NOX4: variants seen among roughly 807,000 people sequenced by gnomAD.
The protein encoded by NOX4 is kidney oxidase-1.
NOX4 carries 69 observed loss-of-function variants against 87.6 expected under a neutral mutation model. That is an observed-to-expected ratio of 0.79 (90% CI 0.65 to 0.96). The LOEUF is 0.96. Among genes scored for constraint, NOX4 ranks in the 40% least tolerant of loss-of-function variants. The probability of loss-of-function intolerance (pLI) is 0.00; values close to 1 mark genes in which losing one functional copy is unlikely to be tolerated. For missense variants in NOX4, 680 were observed against 681.5 expected (o/e 1.00, Z 0.02); for synonymous variants, 275 against 238.2 (o/e 1.15, Z -1.42).
chr11:89,377,700 G>A (rs558862733), intron 11 of NOX4, among the ~76,000 whole-genome samples: 38 of 152,132 alleles, frequency 2.5e-4, no homozygotes, highest in Admixed American at 7.9e-4. Flanking sequence ...TTGTAAAGAA[G>A]CGCCTTTTAA....
At chr11:89,474,014 CA>C (rs1946059334) in intron 2 of NOX4, among the ~76,000 whole-genome samples, 1 of 152,138 alleles carries the variant, frequency 6.6e-6, no homozygotes, top group African/African-American at 2.4e-5. Flanking sequence ...ATTCTTCTGA[CA>C]AACTCTTCAC....
At chr11:89,457,304 C>G (rs751855534) in intron 2 of NOX4, among the ~76,000 whole-genome samples, 1 of 152,202 alleles carries the variant, frequency 6.6e-6, no homozygotes, top group Non-Finnish European at 1.5e-5. Context: ...ACCAACAGCA[C>G]AAATGTGTAC....
chr11:89,357,290 T>C (rs1938140635), intron 12 of NOX4, among the ~76,000 whole-genome samples: 2 of 152,124 alleles, frequency 1.3e-5, no homozygotes, highest in South Asian at 2.1e-4. Context: ...CAAACACAGA[T>C]GTGCTTACAC....
At chr11:89,417,359 A>C (rs1419957952) in intron 8 of NOX4, among the ~76,000 whole-genome samples, 1 of 152,104 alleles carries the variant, frequency 6.6e-6, no homozygotes, top group East Asian at 1.9e-4. Flanking sequence ...GGAAAGAGGA[A>C]ATGGTTTTGT....
chr11:89,407,405 G>T (rs372718675), intron 8 of NOX4, among the ~76,000 whole-genome samples: 2,271 of 152,154 alleles, frequency 0.015, 57 homozygotes, highest in African/African-American at 0.051. Flanking sequence ...TATTATTAAT[G>T]TTTTAAGTTT....
the NOX4 span, among the ~76,000 whole-genome samples, chr11:89,511,487 T>C: frequency 6.6e-6 from 1 of 151,954 alleles, no homozygotes; most frequent in Admixed American, 6.6e-5. Context: ...TATTAATGCA[T>C]AGTACTGGGG....
At chr11:89,403,855 G>A (rs1246903133) in intron 8 of NOX4, among the ~76,000 whole-genome samples, 1 of 152,124 alleles carries the variant, frequency 6.6e-6, no homozygotes, top group African/African-American at 2.4e-5. Flanking sequence ...CAATGACCAG[G>A]CCAGTCTCTG....
chr11:89,490,357 A>G, intron 2 of NOX4, 101 bp downstream of exon 2: 1 of 774,542 alleles, frequency 1.3e-6, no homozygotes, highest in Non-Finnish European at 2.2e-6. Context: ...TTCAAAGTGA[A>G]GAGTGCACAT....
chr11:89,459,885 G>A (rs1354032318), intron 2 of NOX4, among the ~76,000 whole-genome samples: 1 of 152,260 alleles, frequency 6.6e-6, no homozygotes, highest in African/African-American at 2.4e-5. Context: ...AAAGCTGGAG[G>A]CATCACACTA....
chr11:89,448,540 A>C (rs1054557885), intron 4 of NOX4, among the ~76,000 whole-genome samples: 68 of 152,286 alleles, frequency 4.5e-4, no homozygotes, highest in African/African-American at 1.6e-3. Context: ...GATCACATAT[A>C]ATTCGGGATG....
intron 12 of NOX4, among the ~76,000 whole-genome samples, chr11:89,368,925 AC>A (rs1406736772): frequency 3.0e-4 from 46 of 152,080 alleles, no homozygotes; most frequent in African/African-American, 1.0e-3. Context: ...TGCCTCTTAA[AC>A]TTTTTAAAGA....
chr11:89,359,210 G>C (rs1938321579), intron 12 of NOX4, among the ~76,000 whole-genome samples: 1 of 152,006 alleles, frequency 6.6e-6, no homozygotes, highest in Non-Finnish European at 1.5e-5. Flanking sequence ...ACAAAGATGA[G>C]AAAATTAAAA....
At chr11:89,536,989 A>T in the NOX4 span, among the ~76,000 whole-genome samples, 1 of 152,222 alleles carries the variant, frequency 6.6e-6, no homozygotes, top group Non-Finnish European at 1.5e-5. Flanking sequence ...CAGGTTGTAC[A>T]TCTGAACTAC....
chr11:89,435,374 C>T (rs150496487), intron 6 of NOX4, among the ~76,000 whole-genome samples: 95 of 152,060 alleles, frequency 6.2e-4, no homozygotes, highest in African/African-American at 2.2e-3. Flanking sequence ...CATGGGATGT[C>T]TGCAAATTAC....
At chr11:89,334,318 A>C (rs1945607457) in intron 17 of NOX4, among the ~76,000 whole-genome samples, 1 of 151,728 alleles carries the variant, frequency 6.6e-6, no homozygotes, top group Non-Finnish European at 1.5e-5. Flanking sequence ...TTTTTTCTAA[A>C]TTTCAACTCT....
At chr11:89,500,057 C>T (rs1269615651), upstream of NOX4, among the ~76,000 whole-genome samples, 1 of 152,100 alleles carries the variant, frequency 6.6e-6, no homozygotes, top group African/African-American at 2.4e-5. Context: ...ATTCACTCCC[C>T]TAAGTAATGT....
the NOX4 span, among the ~76,000 whole-genome samples, chr11:89,511,118 CAAAT>C: frequency 1.3e-5 from 2 of 151,878 alleles, no homozygotes; most frequent in Non-Finnish European, 2.9e-5. Context: ...ATTTAATTGA[CAAAT>C]AATCATTATT....
intron 10 of NOX4, 47 bp from the exon 11 acceptor site, chr11:89,400,126 T>C (rs1374762115): frequency 1.3e-6 from 2 of 1,576,156 alleles, no homozygotes; most frequent in Non-Finnish European, 1.7e-6. Flanking sequence ...ATTAAGAATT[T>C]CAACTATTTC....
intron 2 of NOX4, among the ~76,000 whole-genome samples, chr11:89,457,342 A>C (rs1945252743): frequency 6.6e-6 from 1 of 152,110 alleles, no homozygotes; most frequent in Non-Finnish European, 1.5e-5. Flanking sequence ...TGCCTCTGCC[A>C]CCGCCCTGCA....
Sources: allele counts gnomAD v4.1 joint callset (sites outside exome capture counted in the v4.1 genomes callset), GRCh38; gene constraint gnomAD v4.1.1; transcripts MANE v1.5; gene names NCBI Gene and HGNC (gene_info 2026-07-23, HGNC 2026-07-21).